The following ECSIT variants were observed in gnomAD, a reference collection of about 807,000 sequenced individuals.
The protein encoded by ECSIT is ECSIT signaling integrator.
In ECSIT, 29 loss-of-function variants were observed where a neutral mutation model predicts 36.8. That is an observed-to-expected ratio of 0.79 (90% CI 0.59 to 1.08). ECSIT has a LOEUF of 1.08. Ranked by LOEUF, ECSIT falls within the 50% of genes least tolerant of loss-of-function variation. ECSIT has a pLI of 0.00. For synonymous variants in ECSIT, 231 were observed against 234.8 expected (o/e 0.98, Z 0.15); for missense variants, 542 against 581.0 (o/e 0.93, Z 0.69).
At chr19:11,507,631 C>T (rs1971778594) in intron 6 of ECSIT, 69 bp from the exon 7 acceptor site, 2 of 1,613,548 alleles carry the variant, frequency 1.2e-6, no homozygotes, top group African/African-American at 1.3e-5. Context: ...CCTCCAGCCT[C>T]TCCCATGCAC....
intron 1 of ECSIT, among the ~76,000 whole-genome samples, chr19:11,524,356 T>TA (rs1273031817): frequency 1.3e-5 from 2 of 152,202 alleles, no homozygotes; most frequent in East Asian, 3.9e-4. Flanking sequence ...ACCCCATCTC[T>TA]ACTAAAAGTA....
rs1971781502 is a variant in ECSIT, at chr19:11,507,737, T to C, written c.910A>G (p.Ile304Val). The C allele has an allele frequency of 6.2e-7, 1 of 1,614,016 alleles. No homozygotes were observed. Among genetic ancestry groups the C allele is most frequent in the African/African-American group, 1.3e-5 (1 of 74,936 alleles). Residue 304 changes from isoleucine to valine, a missense_variant, in exon 6 of 8, where the codon ATC becomes GTC. Physicochemically the swap from Ile to Val is conservative, Grantham distance 29. Transcript: ENST00000270517. ...GGGGGCAGCAAGTCAGCTCTGAGGA[T>C]GTGGTAATACACACACTTGTTGCGG... ...WLRNKCVYYH[I>V]LRADLLPPEE...
At chr19:11,528,156 T>G (rs1972253391) in intron 1 of ECSIT, among the ~76,000 whole-genome samples, 1 of 152,242 alleles carries the variant, frequency 6.6e-6, no homozygotes, top group African/African-American at 2.4e-5. Context: ...TAGAGCTTTC[T>G]TCCTCCAGAT....
intron 2 of ECSIT, among the ~76,000 whole-genome samples, chr19:11,514,920 C>A (rs1012709394): frequency 5.1e-4 from 77 of 151,418 alleles, no homozygotes; most frequent in Non-Finnish European, 1.0e-3. Context: ...CCCACTGCAA[C>A]CTCTGCCTCC....
chr19:11,523,379 C>T (rs944065429), intron 1 of ECSIT: 6 of 467,094 alleles, frequency 1.3e-5, no homozygotes, highest in East Asian at 9.5e-5. Flanking sequence ...TGCCGAGTTG[C>T]GCGGAGGCGG....
At chr19:11,507,602 G>C (rs371377965) in intron 6 of ECSIT, 40 bp from the exon 7 acceptor site, 1 of 1,612,896 alleles carries the variant, frequency 6.2e-7, no homozygotes, top group Non-Finnish European at 8.5e-7. Flanking sequence ...TCAGAGGCCA[G>C]GGCTCTCTCG....
intron 1 of ECSIT, among the ~76,000 whole-genome samples, chr19:11,524,231 G>T (rs1403466102): frequency 6.5e-4 from 99 of 151,450 alleles, no homozygotes; most frequent in South Asian, 2.1e-4. Flanking sequence ...GATTTTGGGG[G>T]TGTCAAAAGT....
rs779964824 is a variant in ECSIT at position 11,506,142 on chromosome 19, C to G, written c.*42G>C. On this transcript the variant is annotated 3_prime_UTR_variant, in exon 8 of 8. Coordinates refer to ENST00000270517, the MANE Select transcript of ECSIT (RefSeq NM_016581.5). ...AGGGCATCTCATGCCTTCAGTCCACCGCCTCCTCGGGCCACAGCCCGTGCC... is the reference window on the plus strand; with the variant it reads ...AGGGCATCTCATGCCTTCAGTCCACGGCCTCCTCGGGCCACAGCCCGTGCC... 2.5e-6 allele frequency: 4 copies of G among 1,594,942 alleles called. No individual in the cohort carries two copies. Among genetic ancestry groups the G allele is most frequent in the African/African-American group, 1.3e-5 (1 of 74,804 alleles).
chr19:11,527,334 T>TA (rs1391500321), intron 1 of ECSIT, among the ~76,000 whole-genome samples: 1 of 152,064 alleles, frequency 6.6e-6, no homozygotes, highest in Non-Finnish European at 1.5e-5. Flanking sequence ...AATAAATAAA[T>TA]AAATCAACTA....
chr19:11,522,424 C>T, intron 1 of ECSIT: 4 of 1,435,718 alleles, frequency 2.8e-6, no homozygotes, highest in Non-Finnish European at 2.9e-6. Context: ...GATCAAGTTC[C>T]CGCTGCCCCA....
chr19:11,507,898 A>G (rs781006170), intron 5 of ECSIT, 48 bp from the exon 6 acceptor site: 9 of 1,613,928 alleles, frequency 5.6e-6, no homozygotes, highest in Non-Finnish European at 7.6e-6. Flanking sequence ...GACTCGGCCC[A>G]GAGGCCCAGG....
At chr19:11,508,994 G>A (rs1971814992) in intron 4 of ECSIT, among the ~76,000 whole-genome samples, 1 of 152,156 alleles carries the variant, frequency 6.6e-6, no homozygotes, top group African/African-American at 2.4e-5. Context: ...CCTCTGTGGA[G>A]GACAGGGTGG....
intron 2 of ECSIT, among the ~76,000 whole-genome samples, chr19:11,518,800 G>T (rs934477039): frequency 1.3e-5 from 2 of 152,114 alleles, no homozygotes; most frequent in Non-Finnish European, 2.9e-5. Context: ...TTGGGAGGAT[G>T]AGGCGGGAGG....
chr19:11,524,785 C>T (rs759298876), intron 1 of ECSIT, among the ~76,000 whole-genome samples: 1 of 151,934 alleles, frequency 6.6e-6, no homozygotes, highest in Non-Finnish European at 1.5e-5. Flanking sequence ...GATTGTGCTA[C>T]CACACTCTGG....
At chr19:11,514,461 C>T (rs1014686760) in intron 2 of ECSIT, among the ~76,000 whole-genome samples, 6 of 151,622 alleles carry the variant, frequency 4.0e-5, no homozygotes, top group Non-Finnish European at 7.4e-5. Context: ...AAAACTGCCA[C>T]GGAGGCAACT....
intron 6 of ECSIT, 32 bp downstream of exon 6, chr19:11,507,670 G>A (rs776054391): frequency 7.5e-5 from 121 of 1,613,756 alleles, no homozygotes; most frequent in Non-Finnish European, 9.6e-5. Flanking sequence ...CCACTCCCCA[G>A]CCCCAACACA....
chr19:11,528,284 C>T (rs1213499084), intron 1 of ECSIT, among the ~76,000 whole-genome samples: 1 of 152,204 alleles, frequency 6.6e-6, no homozygotes, highest in Admixed American at 6.5e-5. Flanking sequence ...CAGGGTCCTG[C>T]TCTGTTGCCC....
chr19:11,523,734 G>A, intron 1 of ECSIT: 1 of 687,490 alleles, frequency 1.5e-6, no homozygotes, highest in Non-Finnish European at 2.7e-6. Flanking sequence ...GGGAAACCCT[G>A]TAAAGTGGTT....
intron 4 of ECSIT, chr19:11,510,556 A>C (rs1466397550): frequency 6.6e-6 from 1 of 150,442 alleles, no homozygotes; most frequent in Admixed American, 6.6e-5. Context: ...AGAGAGAGAG[A>C]GAGAGAGATC....
Sources: allele counts gnomAD v4.1 joint callset (sites outside exome capture counted in the v4.1 genomes callset), GRCh38; gene constraint gnomAD v4.1.1; transcripts MANE v1.5; gene names NCBI Gene and HGNC (gene_info 2026-07-23, HGNC 2026-07-21).